Variants in CLTCL1 observed in about 807,000 individuals in gnomAD.
The protein encoded by CLTCL1 is clathrin heavy chain like 1, also known as clathrin heavy chain 2.
A neutral mutation model predicts 190.0 loss-of-function variants in CLTCL1; 159 were observed. The ratio of observed to expected loss-of-function variants is 0.84; its 90% CI spans 0.74 to 0.95. CLTCL1 has a LOEUF of 0.95. Ranked by LOEUF, CLTCL1 falls within the 40% of genes least tolerant of loss-of-function variation. The pLI, the probability that CLTCL1 is intolerant of heterozygous loss-of-function variation, is 0.00. For missense variants in CLTCL1, 1,878 were observed against 2,033.4 expected, an observed-to-expected ratio of 0.92 and a Z score of 1.47; for synonymous variants, 752 against 769.6, an observed-to-expected ratio of 0.98 and a Z score of 0.38.
At chr22:19,222,159 G>A (rs2073756) in intron 15 of CLTCL1, 66 bp from the exon 16 acceptor site, 84,517 of 1,556,032 alleles carry the variant, frequency 0.054, 3,224 homozygotes, top group East Asian at 0.15. Context: ...AGCCTCCTAC[G>A]ACGTGGACAG....
intron 1 of CLTCL1, among the ~76,000 whole-genome samples, chr22:19,279,261 G>A (rs970784881): frequency 2.6e-5 from 4 of 151,772 alleles, no homozygotes; most frequent in African/African-American, 4.8e-5. Flanking sequence ...TCACCCTCCC[G>A]AGTAGCTGGG....
At chr22:19,283,386 T>C (rs1940191573) in intron 1 of CLTCL1, among the ~76,000 whole-genome samples, 1 of 152,098 alleles carries the variant, frequency 6.6e-6, no homozygotes, top group African/African-American at 2.4e-5. Context: ...ACTCAACCGA[T>C]TCTCATGCCT....
At chr22:19,243,444 G>A (rs891614746) in intron 3 of CLTCL1, among the ~76,000 whole-genome samples, 2 of 152,004 alleles carry the variant, frequency 1.3e-5, no homozygotes, top group East Asian at 1.9e-4. Flanking sequence ...ATAGCAAGAC[G>A]CCATCTCTAC....
At chr22:19,226,069 A>G in intron 12 of CLTCL1, 150 bp downstream of exon 12, 1 of 908,202 alleles carries the variant, frequency 1.1e-6, no homozygotes, top group South Asian at 1.8e-5. Context: ...GCTGAATTAG[A>G]ACTGCTTTTG....
intron 3 of CLTCL1, among the ~76,000 whole-genome samples, chr22:19,249,547 T>C (rs1332902494): frequency 6.6e-6 from 1 of 150,764 alleles, no homozygotes; most frequent in Non-Finnish European, 1.5e-5. Context: ...ACAAAAAAAA[T>C]TAGCCAGGCA....
chr22:19,274,978 C>T (rs2087450456), intron 2 of CLTCL1, among the ~76,000 whole-genome samples: 1 of 152,116 alleles, frequency 6.6e-6, no homozygotes. Context: ...ATCTGCCTGC[C>T]TCGGCCTCCC....
chr22:19,191,703 C>T (rs937331209), intron 26 of CLTCL1, among the ~76,000 whole-genome samples: 9 of 152,090 alleles, frequency 5.9e-5, no homozygotes, highest in Non-Finnish European at 7.4e-5. Context: ...GCAGGGTCCA[C>T]GATCACTCAG....
chr22:19,254,546 A>AAAGAAGAAACC (rs1269245038), intron 2 of CLTCL1, among the ~76,000 whole-genome samples: 1 of 152,176 alleles, frequency 6.6e-6, no homozygotes, highest in Non-Finnish European at 1.5e-5. Flanking sequence ...TCTAGTTTTA[A>AAAGAAGAAACC]AATACTTTTC....
intron 11 of CLTCL1, among the ~76,000 whole-genome samples, chr22:19,229,335 T>C (rs539967451): frequency 6.6e-6 from 1 of 152,140 alleles, no homozygotes; most frequent in Non-Finnish European, 1.5e-5. Context: ...AAAAGCCAGG[T>C]AAAAGGACAA....
chr22:19,257,653 C>G, intron 2 of CLTCL1: 1 of 473,112 alleles, frequency 2.1e-6, no homozygotes, highest in Non-Finnish European at 3.8e-6. Context: ...GATTTGGGCT[C>G]CCAGATCTCT....
At chr22:19,220,243 A>AT in intron 17 of CLTCL1, among the ~76,000 whole-genome samples, 1 of 152,126 alleles carries the variant, frequency 6.6e-6, no homozygotes, top group East Asian at 1.9e-4. Context: ...GATGTGCCAC[A>AT]TATCTGGCCA....
In CLTCL1 at chr22:19,265,082, C is replaced by G. The variant is rs192141144; in HGVS notation, c.250+10541G>C. ...GGGATTACAGGTGTGAGCCACCGTG[C>G]CCAGCCGAAATTTGATACAATTTAT... On this transcript the variant is annotated intron_variant, in intron 2 of 32. Transcript: ENST00000427926. 8.5e-3 allele frequency among the ~76,000 whole-genome samples: 1,301 copies of G among 152,242 alleles called. 10 individuals are homozygous for G. The highest frequency in any genetic ancestry group is 0.014 in the Non-Finnish European group (968 of 68,022).
chr22:19,219,367 T>C (rs546634418), intron 18 of CLTCL1, among the ~76,000 whole-genome samples: 1 of 151,854 alleles, frequency 6.6e-6, no homozygotes, highest in African/African-American at 2.4e-5. Context: ...GTATTTTTAG[T>C]AGAGATGGGG....
intron 2 of CLTCL1, among the ~76,000 whole-genome samples, chr22:19,260,779 C>CA (rs34267370): frequency 0.093 from 5,282 of 56,758 alleles, 398 homozygotes; most frequent in Middle Eastern, 0.11. Flanking sequence ...AACTCTGTCT[C>CA]AAAAAAAAAA....
chr22:19,278,364 G>A (rs2087589394), intron 1 of CLTCL1, among the ~76,000 whole-genome samples: 1 of 152,126 alleles, frequency 6.6e-6, no homozygotes, highest in South Asian at 2.1e-4. Flanking sequence ...CTGGACGGAA[G>A]CACCAAGAGA....
In CLTCL1 at chr22:19,221,550, T is replaced by C. The variant is rs188522385; in HGVS notation, c.2623A>G (p.Thr875Ala). The change falls in exon 17 of 33, where the codon ACT becomes GCT. Residue 875 changes from threonine (T) to alanine (A), a missense_variant. Transcript: ENST00000427926. ...TAGATTTTAGCCAGTGCATTGTGAG[T>C]GGCAGGCTCCTCACAGCCTTCCTGA... The part of the protein sequence containing the change: ...QIQEGCEEPA[T>A]HNALAKIYID... 22 of 1,604,886 alleles carry C rather than the reference T, an allele frequency of 1.4e-5. No homozygotes were observed. The African/African-American group carries it at 2.4e-4, about 18-fold the overall frequency.
intron 15 of CLTCL1, 107 bp downstream of exon 15, chr22:19,222,577 A>G (rs2085608341): frequency 7.4e-7 from 1 of 1,354,906 alleles, no homozygotes. Flanking sequence ...ACCCTTCAAA[A>G]TGATAGTCTC....
At chr22:19,184,645 C>T (rs914678064) in intron 29 of CLTCL1, 3 of 446,434 alleles carry the variant, frequency 6.7e-6, no homozygotes, top group African/African-American at 6.0e-5. Flanking sequence ...CCGTGCCCTC[C>T]ACCGGCCCAG....
chr22:19,189,150 G>A (rs1033200514), intron 27 of CLTCL1, among the ~76,000 whole-genome samples: 2 of 152,046 alleles, frequency 1.3e-5, no homozygotes, highest in Non-Finnish European at 2.9e-5. Flanking sequence ...TGATCCACAC[G>A]CCTTGGCCTC....
Sources: gnomAD v4.1 joint callset for allele counts (sites outside exome capture counted in the v4.1 genomes callset) on GRCh38, gnomAD v4.1.1 for gene constraint, MANE v1.5 for transcripts, NCBI Gene and HGNC (gene_info 2026-07-23, HGNC 2026-07-21) for gene names.